The following OTOA variants were observed in gnomAD, a reference collection of about 807,000 sequenced individuals.
The protein encoded by OTOA is otoancorin, also known as cancer/testis antigen 108.
Under a neutral mutation model 110.8 loss-of-function variants are expected in OTOA, and 70 were observed. That is an observed-to-expected ratio of 0.63 (90% CI 0.52 to 0.77). OTOA has a LOEUF of 0.77. Ranked by LOEUF, OTOA falls within the 30% of genes least tolerant of loss-of-function variation. The probability of loss-of-function intolerance (pLI) is 0.00; values close to 1 mark genes in which losing one functional copy is unlikely to be tolerated. For synonymous variants in OTOA, 373 were observed against 431.5 expected (o/e 0.86, Z 1.68); for missense variants, 917 against 1,075.8 (o/e 0.85, Z 2.06).
chr16:21,693,508 A>C (rs1443649884), intron 9 of OTOA, among the ~76,000 whole-genome samples: 1 of 152,098 alleles, frequency 6.6e-6, no homozygotes, highest in Admixed American at 6.6e-5. Flanking sequence ...GGTGGAGACA[A>C]TTTTTTTAAA....
chr16:21,750,003 T>A (rs1319214143), intron 24 of OTOA, among the ~76,000 whole-genome samples: 1 of 150,410 alleles, frequency 6.6e-6, no homozygotes, highest in Non-Finnish European at 1.5e-5. Context: ...ATTTTGTAGC[T>A]GATCTTCATA....
chr16:21,668,956 T>C (rs1966845608), intron 1 of OTOA, among the ~76,000 whole-genome samples: 1 of 152,122 alleles, frequency 6.6e-6, no homozygotes, highest in Non-Finnish European at 1.5e-5. Flanking sequence ...GTCTTGGCAA[T>C]GGGGGTGCCA....
At chr16:21,734,541 A>G (rs563625799) in intron 21 of OTOA, among the ~76,000 whole-genome samples, 1 of 152,170 alleles carries the variant, frequency 6.6e-6, no homozygotes, top group Non-Finnish European at 1.5e-5. Context: ...AATTAAAAAA[A>G]ATAAAATAAA....
At chr16:21,719,529 TC>T in intron 17 of OTOA, 25 bp downstream of exon 17, 1 of 1,589,464 alleles carries the variant, frequency 6.3e-7, no homozygotes, top group Non-Finnish European at 8.6e-7. Flanking sequence ...TTTTCCAGCT[TC>T]TAATTCTCTC....
intron 12 of OTOA, among the ~76,000 whole-genome samples, chr16:21,708,083 G>T (rs1166010197): frequency 6.6e-6 from 1 of 151,912 alleles, no homozygotes; most frequent in South Asian, 2.1e-4. Context: ...GAGCCACCAC[G>T]CCCGGTCTGT....
In OTOA at chr16:21,691,601, A is replaced by G; in HGVS notation, c.653A>G (p.Asp218Gly). Residue 218 changes from aspartate to glycine, a missense_variant, in exon 9 of 29, where the codon GAT (aspartate) becomes GGT (glycine). Physicochemically the swap from Asp to Gly is moderately conservative, Grantham distance 94 (BLOSUM62 -1). Coordinates refer to ENST00000646100, the MANE Select transcript of OTOA (RefSeq NM_144672.4). ...TCATTTAGATCTGCAGTGTTCAAAG[A>G]TCTCTACGACAAAACCTCGGCTCAT... ...AFKNLSAVFK[D>G]LYDKTSAHSQ... is the part of the protein sequence containing the mutation. 1 of 1,613,686 alleles carries G rather than the reference A, an allele frequency of 6.2e-7. No homozygotes were observed. The highest frequency in any genetic ancestry group is 8.5e-7 in the Non-Finnish European group (1 of 1,179,700).
chr16:21,744,171 G>A (rs1185417355), intron 23 of OTOA, among the ~76,000 whole-genome samples: 1 of 140,872 alleles, frequency 7.1e-6, no homozygotes, highest in Non-Finnish European at 1.6e-5. Context: ...ATTTCTTTGA[G>A]ACAGGGTCTC....
intron 21 of OTOA, among the ~76,000 whole-genome samples, chr16:21,733,540 G>A (rs941749988): frequency 6.6e-6 from 1 of 151,788 alleles, no homozygotes; most frequent in South Asian, 2.1e-4. Context: ...CATAGGCTGA[G>A]AGGCTTGCTC....
intron 24 of OTOA, among the ~76,000 whole-genome samples, chr16:21,750,631 T>C (rs1244603699): frequency 8.1e-5 from 1 of 12,314 alleles, no homozygotes. Context: ...TATATCCTTC[T>C]AAGTTCAAGT....
At chr16:21,714,300 TCTTCCTTCCTTC>T (rs753112398) in intron 13 of OTOA, among the ~76,000 whole-genome samples, 4 of 100,346 alleles carry the variant, frequency 4.0e-5, no homozygotes, top group African/African-American at 7.3e-5. Flanking sequence ...TCTTTTCCTT[TCTTCCTTCCTTC>T]CTTCCTTCCT....
intron 14 of OTOA, 21 bp downstream of exon 14, chr16:21,715,173 G>A (rs145081900): frequency 4.0e-4 from 647 of 1,614,046 alleles, no homozygotes; most frequent in Non-Finnish European, 5.1e-4. Flanking sequence ...GATGTCTGGT[G>A]CTCAGCCACA....
rs1179354877 is a variant in OTOA at position 21,730,877 on chromosome 16, G to C, written c.2248G>C (p.Gly750Arg). 1 of 1,577,460 alleles carries C rather than the reference G, an allele frequency of 6.3e-7. No homozygotes were observed. The highest frequency in any genetic ancestry group is 1.3e-5 in the African/African-American group (1 of 74,636). ...HWTAETTKDL[G>R]PFLVLFSGDE... ...GACAGCCGAGACCACGAAGGACTTGGGACCCTTTCTAGTACTTTTCTCAGG... is the reference window on the plus strand; with the variant it reads ...GACAGCCGAGACCACGAAGGACTTGCGACCCTTTCTAGTACTTTTCTCAGG... Residue 750 changes from glycine (G) to arginine (R), a missense_variant, in exon 21 of 29, where the codon GGA becomes CGA. Gly to Arg is a moderately radical substitution (Grantham distance 125). Coordinates refer to ENST00000646100, the MANE Select transcript of OTOA (RefSeq NM_144672.4).
chr16:21,672,639 A>T (rs1004690581), intron 1 of OTOA, among the ~76,000 whole-genome samples: 1 of 151,492 alleles, frequency 6.6e-6, no homozygotes, highest in South Asian at 2.1e-4. Context: ...AAAAAAAAAA[A>T]TTGACATATA....
At chr16:21,731,712 G>A (rs1055094804) in intron 21 of OTOA, among the ~76,000 whole-genome samples, 1 of 152,102 alleles carries the variant, frequency 6.6e-6, no homozygotes, top group African/African-American at 2.4e-5. Context: ...CCATGGAGGT[G>A]GAGGGCAGGA....
chr16:21,705,218 A>C lies in OTOA; in HGVS notation c.1030A>C (p.Thr344Pro). 6.2e-7 allele frequency: 1 copy of C among 1,614,130 alleles called. No homozygotes were observed. The highest frequency in any genetic ancestry group is 8.5e-7 in the Non-Finnish European group (1 of 1,180,006). The change falls in exon 12 of 29, where the codon ACT becomes CCT. Residue 344 changes from threonine to proline, a missense_variant. This residue lies in a region of OTOA where 840 missense variants were observed against 910.2 expected (regional missense o/e 0.92). Coordinates refer to ENST00000646100, the MANE Select transcript of OTOA (RefSeq NM_144672.4). ...FYNDLELLDA[T>P]VAQVLLYQMI... Reference sequence around the variant, plus strand: ...CAATGACCTGGAATTGCTGGATGCCACTGTGGCTCAAGTCCTGCTTTACCA... The same window carrying C: ...CAATGACCTGGAATTGCTGGATGCCCCTGTGGCTCAAGTCCTGCTTTACCA...
intron 12 of OTOA, chr16:21,705,504 A>G: frequency 1.4e-6 from 1 of 730,550 alleles, no homozygotes; most frequent in Non-Finnish European, 2.2e-6. Context: ...TGGGGAGATC[A>G]AAATTTAATC....
At chr16:21,694,896 C>A (rs1316659505) in intron 9 of OTOA, among the ~76,000 whole-genome samples, 2 of 152,178 alleles carry the variant, frequency 1.3e-5, no homozygotes, top group African/African-American at 4.8e-5. Flanking sequence ...GAGTCTCACA[C>A]TGGGTAACCA....
intron 15 of OTOA, among the ~76,000 whole-genome samples, chr16:21,718,738 A>G (rs963075531): frequency 6.6e-6 from 1 of 152,110 alleles, no homozygotes; most frequent in Non-Finnish European, 1.5e-5. Flanking sequence ...TTTCTAGCCC[A>G]TCCTGGTTTA....
At chr16:21,750,130 G>A (rs1326719706) in intron 24 of OTOA, among the ~76,000 whole-genome samples, 1 of 152,302 alleles carries the variant, frequency 6.6e-6, no homozygotes, top group African/African-American at 2.4e-5. Flanking sequence ...TAAAGGGGCT[G>A]GGTGCACTGT....
Sources: gnomAD v4.1 joint callset for allele counts (sites outside exome capture counted in the v4.1 genomes callset) on GRCh38, gnomAD v4.1.1 for gene constraint, gnomAD v4.1.1 regional missense constraint, MANE v1.5 for transcripts, NCBI Gene and HGNC (gene_info 2026-07-23, HGNC 2026-07-21) for gene names.